The following DISP1 variants were observed in gnomAD, a reference collection of about 807,000 sequenced individuals.
DISP1 encodes dispatched RND transporter family member 1.
DISP1 carries 30 observed loss-of-function variants against 37.3 expected under a neutral mutation model. The ratio of observed to expected loss-of-function variants is 0.80; its 90% CI spans 0.60 to 1.09. The LOEUF (loss-of-function observed/expected upper bound fraction) is 1.09, where lower values mean the gene tolerates loss of function less well. DISP1 is among the 50% of genes least tolerant of loss of function. The pLI is 0.00. For synonymous variants in DISP1, 634 were observed against 690.2 expected, an observed-to-expected ratio of 0.92 and a Z score of 1.28; for missense variants, 1,598 against 1,879.5, an observed-to-expected ratio of 0.85 and a Z score of 2.77.
At chr1:222,983,196 T>G in intron 4 of DISP1, 87 bp downstream of exon 4, 2 of 1,052,782 alleles carry the variant, frequency 1.9e-6, no homozygotes, top group Non-Finnish European at 2.9e-6. Context: ...TTTGCTGTTC[T>G]TTTCACTTTC....
intron 1 of DISP1, among the ~76,000 whole-genome samples, chr1:222,834,893 T>C (rs969915087): frequency 1.3e-5 from 2 of 152,184 alleles, no homozygotes; most frequent in Non-Finnish European, 2.9e-5. Flanking sequence ...GTTGTTAGGA[T>C]GCAAAATAAC....
At chr1:222,980,895 T>C (rs1164222218) in intron 3 of DISP1, among the ~76,000 whole-genome samples, 1 of 152,126 alleles carries the variant, frequency 6.6e-6, no homozygotes, top group Non-Finnish European at 1.5e-5. Flanking sequence ...CTGGCCAACA[T>C]GGTGAAACCC....
intron 1 of DISP1, among the ~76,000 whole-genome samples, chr1:222,856,051 T>G (rs1668531869): frequency 6.6e-6 from 1 of 152,182 alleles, no homozygotes; most frequent in Non-Finnish European, 1.5e-5. Flanking sequence ...GTGTGAATAT[T>G]TTGAGCTCCA....
intron 3 of DISP1, among the ~76,000 whole-genome samples, chr1:222,976,852 T>C (rs111797002): frequency 2.6e-5 from 4 of 152,274 alleles, no homozygotes; most frequent in African/African-American, 9.6e-5. Flanking sequence ...TAGCAAAATC[T>C]CCTAATTTCT....
chr1:222,937,040 TATA>T (rs1229746385), intron 2 of DISP1, among the ~76,000 whole-genome samples: 5 of 113,544 alleles, frequency 4.4e-5, no homozygotes, highest in Non-Finnish European at 8.5e-5. Flanking sequence ...TATTATATAA[TATA>T]TTATATATAA....
intron 3 of DISP1, among the ~76,000 whole-genome samples, chr1:222,980,582 G>A (rs933017215): frequency 3.3e-5 from 5 of 152,008 alleles, no homozygotes; most frequent in East Asian, 1.9e-4. Context: ...AATCCAACAC[G>A]CACTGATCTG....
chr1:222,975,090 A>G (rs1434781012), intron 3 of DISP1, among the ~76,000 whole-genome samples: 1 of 152,132 alleles, frequency 6.6e-6, no homozygotes, highest in African/African-American at 2.4e-5. Context: ...TCATGGTGCA[A>G]TCTTGCCTCA....
intron 3 of DISP1, among the ~76,000 whole-genome samples, chr1:222,949,674 T>TG (rs1281531176): frequency 6.6e-6 from 1 of 152,214 alleles, no homozygotes; most frequent in Non-Finnish European, 1.5e-5. Context: ...TCGCCCAGGC[T>TG]GGAGTGCAGT....
At chr1:222,926,289 T>C (rs1673080349) in intron 1 of DISP1, among the ~76,000 whole-genome samples, 1 of 152,242 alleles carries the variant, frequency 6.6e-6, no homozygotes, top group Non-Finnish European at 1.5e-5. Context: ...TTCCATTGTA[T>C]AGATGTACAT....
chr1:222,834,461 T>C (rs1365474199), intron 1 of DISP1, among the ~76,000 whole-genome samples: 1 of 152,002 alleles, frequency 6.6e-6, no homozygotes, highest in Non-Finnish European at 1.5e-5. Flanking sequence ...GGAATAGCAG[T>C]GGAATGGAGA....
At chr1:222,934,682 A>C (rs1673608032) in intron 2 of DISP1, among the ~76,000 whole-genome samples, 1 of 152,096 alleles carries the variant, frequency 6.6e-6, no homozygotes, top group South Asian at 2.1e-4. Flanking sequence ...GATGTGAAGA[A>C]AGACTTAAGG....
chr1:222,832,000 C>G (rs1665872830), intron 1 of DISP1, among the ~76,000 whole-genome samples: 1 of 152,082 alleles, frequency 6.6e-6, no homozygotes, highest in African/African-American at 2.4e-5. Flanking sequence ...TACATAGCAG[C>G]TGGGCACGGT....
chr1:222,862,838 T>C (rs568136464), intron 1 of DISP1, among the ~76,000 whole-genome samples: 2 of 152,294 alleles, frequency 1.3e-5, no homozygotes, highest in South Asian at 2.1e-4. Context: ...GCGTCAGTCG[T>C]ATCTTTTGCA....
At chr1:222,987,194 C>T (rs910602147) in intron 4 of DISP1, among the ~76,000 whole-genome samples, 7 of 152,058 alleles carry the variant, frequency 4.6e-5, no homozygotes, top group African/African-American at 1.4e-4. Context: ...TTTCATATTG[C>T]GCAGGCAACT....
intron 2 of DISP1, among the ~76,000 whole-genome samples, chr1:222,939,504 T>C (rs1674220466): frequency 6.6e-6 from 1 of 151,912 alleles, no homozygotes; most frequent in South Asian, 2.1e-4. Context: ...TGAAGCCCAA[T>C]GTATTCAGTT....
chr1:222,995,512 A>C (rs1425815862), intron 8 of DISP1, among the ~76,000 whole-genome samples: 1 of 152,140 alleles, frequency 6.6e-6, no homozygotes, highest in Non-Finnish European at 1.5e-5. Context: ...CAGTAATCCA[A>C]TCCAAACTGC....
In DISP1 at chr1:222,936,702, CATAT is replaced by C. The variant is rs1226837719; in HGVS notation, c.-17-6100_-17-6097del. On this transcript the variant is annotated intron_variant, in intron 2 of 8. Transcript: ENST00000675850. ...AATATATAAAATATATGATATATAT[CATAT>C]ATATTATATATCATATATATGATAT... Among the ~76,000 whole-genome samples, 17 of 85,152 alleles carry C rather than the reference CATAT, an allele frequency of 2.0e-4. 1 individual carries two copies. The highest frequency in any genetic ancestry group is 1.4e-4 in the Non-Finnish European group (6 of 43,296). 55.9% of individuals were successfully genotyped at this position (85,152 alleles called of 152,430 possible).
At chr1:222,836,956 A>G (rs1313995178) in intron 1 of DISP1, 1 of 397,792 alleles carries the variant, frequency 2.5e-6, no homozygotes, top group Admixed American at 4.4e-5. Context: ...AGAGACTGCC[A>G]AATATACTCC....
At chr1:222,862,525 G>GT (rs33987832) in intron 1 of DISP1, among the ~76,000 whole-genome samples, 198 of 129,204 alleles carry the variant, frequency 1.5e-3, no homozygotes, top group Non-Finnish European at 2.1e-3. Flanking sequence ...TGTCTCAATA[G>GT]TTTTTTTTTT....
Sources: gnomAD v4.1 joint callset for allele counts (sites outside exome capture counted in the v4.1 genomes callset) on GRCh38, gnomAD v4.1.1 for gene constraint, MANE v1.5 for transcripts, NCBI Gene and HGNC (gene_info 2026-07-23, HGNC 2026-07-21) for gene names.